SSX2IP: variants seen among roughly 807,000 people sequenced by gnomAD.
SSX2IP encodes SSX family member 2 interacting protein.
SSX2IP carries 55 observed loss-of-function variants against 84.9 expected under a neutral mutation model. The ratio of observed to expected loss-of-function variants is 0.65; its 90% CI spans 0.52 to 0.81. The LOEUF (loss-of-function observed/expected upper bound fraction) is 0.81. SSX2IP is among the 30% of genes least tolerant of loss of function. The pLI, the probability that SSX2IP is intolerant of heterozygous loss-of-function variation, is 0.00. For missense variants in SSX2IP, 664 were observed against 705.2 expected (o/e 0.94, Z 0.66); for synonymous variants, 239 against 234.7 (o/e 1.02, Z -0.17).
chr1:84,662,467 T>C lies in SSX2IP; in HGVS notation c.737A>G (p.Lys246Arg). 6.2e-7 allele frequency: 1 copy of C among 1,614,028 alleles called. No individual in the cohort carries two copies. Among genetic ancestry groups the C allele is most frequent in the Non-Finnish European group, 8.5e-7 (1 of 1,179,916 alleles). The change falls in exon 7 of 14, where the codon AAA becomes AGA. Residue 246 changes from lysine (K) to arginine (R), a missense_variant. Coordinates refer to ENST00000342203, the MANE Select transcript of SSX2IP (RefSeq NM_001166293.2). The stretch of plus-strand genomic sequence containing the variant: ...AACTGGACTTTACCTGGCTTCAGTT[T>C]TACCAGTCCTCCAGGAGCCTCTTTT... ...DGKRGSWRTG[K>R]TEARNEDEMY...
intron 12 of SSX2IP, 130 bp from the exon 13 acceptor site, chr1:84,650,657 T>G: frequency 2.1e-6 from 2 of 975,222 alleles, no homozygotes; most frequent in Non-Finnish European, 3.1e-6. Context: ...TCAAATTAAT[T>G]ATCATTAATC....
rs182193227 is a variant in SSX2IP at position 84,685,459 on chromosome 1, C to T, written c.-90+4912G>A. 4.5e-3 allele frequency among the ~76,000 whole-genome samples: 692 copies of T among 152,332 alleles called. 6 individuals carry two copies. Among genetic ancestry groups the T allele is most frequent in the Admixed American group, 0.034 (517 of 15,300 alleles). ...AGCACCTAATGCATGCCAGATGGGG[C>T]TCCATTAGCTGTTATCACTTAATCC... On this transcript the variant is annotated intron_variant, in intron 1 of 13. Coordinates refer to ENST00000342203, the MANE Select transcript of SSX2IP (RefSeq NM_001166293.2).
intron 1 of SSX2IP, among the ~76,000 whole-genome samples, chr1:84,686,102 C>G (rs1319640644): frequency 6.6e-6 from 1 of 152,140 alleles, no homozygotes; most frequent in Non-Finnish European, 1.5e-5. Context: ...CACCGTGGCA[C>G]AAAAATATAT....
chr1:84,669,967 TTAGA>T (rs1356019392), intron 3 of SSX2IP, 74 bp from the exon 4 acceptor site: 4 of 1,062,880 alleles, frequency 3.8e-6, no homozygotes, highest in Non-Finnish European at 5.5e-6. Flanking sequence ...AAACTTTCAG[TTAGA>T]TAGGAAGAAT....
chr1:84,649,152 G>C (rs995870028), intron 13 of SSX2IP, among the ~76,000 whole-genome samples: 3 of 152,194 alleles, frequency 2.0e-5, no homozygotes, highest in East Asian at 1.9e-4. Flanking sequence ...GGGGTGGAGA[G>C]AGCAAGCAGA....
rs1432908754 is a variant in SSX2IP at position 84,644,081 on chromosome 1, T to C, written c.*3352A>G. On this transcript the variant is annotated 3_prime_UTR_variant, in exon 14 of 14. Transcript: ENST00000342203. ...TCTACTAGATAATAATACACGCTCT[T>C]GAGGAGAGAAAATCCTACACTGCTT... 1 of 152,186 alleles carries C rather than the reference T, an allele frequency of 6.6e-6. No homozygotes were observed. The highest frequency in any genetic ancestry group is 2.4e-5 in the African/African-American group (1 of 41,448). 9.4% of individuals were successfully genotyped at this position (152,186 alleles called of 1,614,324 possible).
chr1:84,656,444 T>G lies in SSX2IP; in HGVS notation c.1119A>C (p.Val373=). 6.2e-7 allele frequency: 1 copy of G among 1,613,416 alleles called. No homozygotes were observed. The highest frequency in any genetic ancestry group is 8.5e-7 in the Non-Finnish European group (1 of 1,179,686). The change falls in exon 10 of 14, where the codon GTA becomes GTC. Residue 373 remains valine (V), a synonymous_variant. Coordinates refer to ENST00000342203, the MANE Select transcript of SSX2IP (RefSeq NM_001166293.2). Reference sequence around the variant, plus strand: ...CTTGTTCATGGTCTTGTCGTGAGATTACATCTTCATCATTAAAACCTTCCA... The same window carrying G: ...CTTGTTCATGGTCTTGTCGTGAGATGACATCTTCATCATTAAAACCTTCCA... ...VHLEGFNDED[V]ISRQDHEQET...
chr1:84,688,947 C>T (rs1656191711), intron 1 of SSX2IP, among the ~76,000 whole-genome samples: 1 of 152,218 alleles, frequency 6.6e-6, no homozygotes, highest in Non-Finnish European at 1.5e-5. Context: ...TTTTAATTAT[C>T]AGTTCCTAAC....
intron 1 of SSX2IP, 197 bp downstream of exon 1, chr1:84,690,174 A>T (rs1171514014): frequency 6.6e-6 from 1 of 152,252 alleles, no homozygotes; most frequent in Non-Finnish European, 1.5e-5. Flanking sequence ...CTCCTCCAGG[A>T]GCGGCCCGGG....
At chr1:84,689,754 A>G (rs1656320992) in intron 1 of SSX2IP, among the ~76,000 whole-genome samples, 1 of 152,256 alleles carries the variant, frequency 6.6e-6, no homozygotes, top group East Asian at 1.9e-4. Context: ...TGACTATAAA[A>G]TTCTAAACCA....
chr1:84,686,388 C>T (rs561187086), intron 1 of SSX2IP, among the ~76,000 whole-genome samples: 19 of 152,268 alleles, frequency 1.2e-4, no homozygotes, highest in Middle Eastern at 3.4e-3. Flanking sequence ...TACTCTCTCA[C>T]ATAAAAACCT....
chr1:84,661,636 GAACAT>G (rs1176322865), intron 8 of SSX2IP, among the ~76,000 whole-genome samples: 1 of 152,048 alleles, frequency 6.6e-6, no homozygotes, highest in African/African-American at 2.4e-5. Context: ...CCAGAGACTA[GAACAT>G]AAAGAACACC....
At chr1:84,658,823 C>G (rs900669925) in intron 8 of SSX2IP, among the ~76,000 whole-genome samples, 1 of 152,202 alleles carries the variant, frequency 6.6e-6, no homozygotes, top group Non-Finnish European at 1.5e-5. Flanking sequence ...AGCATTACAA[C>G]TAAGAGGCAG....
chr1:84,668,655 A>G (rs1301314772), intron 4 of SSX2IP, among the ~76,000 whole-genome samples: 1 of 152,172 alleles, frequency 6.6e-6, no homozygotes, highest in African/African-American at 2.4e-5. Context: ...TCTATGCCAC[A>G]TCATTACAGC....
In SSX2IP at chr1:84,646,949, T is replaced by C. The variant is rs1323173201; in HGVS notation, c.*484A>G. ...ATCATGTGTATCTATGTACAAAACATACATAAATTTCACTTTATTTAAAAC... is the reference window on the plus strand; with the variant it reads ...ATCATGTGTATCTATGTACAAAACACACATAAATTTCACTTTATTTAAAAC... On this transcript the variant is annotated 3_prime_UTR_variant, in exon 14 of 14. Transcript: ENST00000342203. 2 of 152,594 alleles carry C rather than the reference T, an allele frequency of 1.3e-5. No individual in the cohort carries two copies. Among genetic ancestry groups the C allele is most frequent in the Admixed American group, 6.6e-5 (1 of 15,262 alleles). 9.5% of individuals were successfully genotyped at this position (152,594 alleles called of 1,614,324 possible).
At chr1:84,668,625 G>A (rs1269752715) in intron 4 of SSX2IP, among the ~76,000 whole-genome samples, 1 of 152,116 alleles carries the variant, frequency 6.6e-6, no homozygotes, top group African/African-American at 2.4e-5. Flanking sequence ...AGTGTTTCTA[G>A]TGTTCCCATG....
intron 2 of SSX2IP, 133 bp downstream of exon 2, chr1:84,671,044 A>G: frequency 8.7e-7 from 1 of 1,152,080 alleles, no homozygotes; most frequent in Non-Finnish European, 1.2e-6. Flanking sequence ...GTAGACATGA[A>G]AATAAGTATT....
intron 1 of SSX2IP, among the ~76,000 whole-genome samples, chr1:84,687,879 C>T (rs1419114723): frequency 6.6e-6 from 1 of 152,192 alleles, no homozygotes; most frequent in Non-Finnish European, 1.5e-5. Context: ...CTGTACACTG[C>T]TGCAGAATGC....
Position 84,671,225 on chromosome 1 carries a change from T to C in SSX2IP, c.-6A>G. 6.2e-7 allele frequency: 1 copy of C among 1,609,838 alleles called. No individual in the cohort carries two copies. ...ACAGTCATCCAATCTCCCATAGCAA[T>C]CTCTAGAGCCAGGATACCTGAGGAA... On this transcript the variant is annotated 5_prime_UTR_variant, in exon 2 of 14. Coordinates refer to ENST00000342203, the MANE Select transcript of SSX2IP (RefSeq NM_001166293.2).
Sources: allele counts gnomAD v4.1 joint callset (sites outside exome capture counted in the v4.1 genomes callset), GRCh38; gene constraint gnomAD v4.1.1; transcripts MANE v1.5; gene names NCBI Gene and HGNC (gene_info 2026-07-23, HGNC 2026-07-21).